Variants in ESRRG observed in about 807,000 individuals in gnomAD.
ESRRG encodes estrogen related receptor gamma.
A neutral mutation model predicts 44.0 loss-of-function variants in ESRRG; 13 were observed. The observed-to-expected ratio is 0.30, with a 90% CI of 0.19 to 0.47. The LOEUF (loss-of-function observed/expected upper bound fraction) is 0.47, where lower values mean the gene tolerates loss of function less well. Among genes scored for constraint, ESRRG ranks in the 20% least tolerant of loss-of-function variants. The pLI, the probability that ESRRG is intolerant of heterozygous loss-of-function variation, is 1.00. For synonymous variants in ESRRG, 215 were observed against 214.6 expected (o/e 1.00, Z -0.02); for missense variants, 395 against 580.6 (o/e 0.68, Z 3.29).
rs1042532405 is a variant in ESRRG, at chr1:216,863,423, A to G, written c.-14+76159T>C. On this transcript the variant is annotated intron_variant, in intron 2 of 7. Transcript: ENST00000359162. ...AATTTCTTTCCTTCAAAATTTTTCT[A>G]TGTTCCTACTGAAAATTCCACAGTT... 2.6e-5 allele frequency: 4 copies of G among 152,240 alleles called. No homozygotes were observed. The East Asian group carries it at 5.8e-4, about 22-fold the overall frequency. 9.4% of individuals were successfully genotyped at this position (152,240 alleles called of 1,614,324 possible).
At chr1:216,916,722 G>A (rs1053124296) in intron 2 of ESRRG, among the ~76,000 whole-genome samples, 2 of 151,584 alleles carry the variant, frequency 1.3e-5, no homozygotes, top group Non-Finnish European at 2.9e-5. Flanking sequence ...CAAATACCAC[G>A]GGATCCCATT....
chr1:216,844,762 CAT>C (rs1491128669), intron 2 of ESRRG, among the ~76,000 whole-genome samples: 1 of 124,796 alleles, frequency 8.0e-6, no homozygotes, highest in African/African-American at 3.6e-5. Context: ...AGCATTCGTG[CAT>C]GTGTGTGTGT....
intron 2 of ESRRG, among the ~76,000 whole-genome samples, chr1:216,752,167 T>C (rs1044209442): frequency 6.6e-5 from 10 of 152,112 alleles, no homozygotes; most frequent in African/African-American, 2.2e-4. Flanking sequence ...GAAACTGAGA[T>C]GTAAAAGAGT....
At chr1:217,096,190 A>C (rs2092420634) in intron 1 of ESRRG, among the ~76,000 whole-genome samples, 1 of 152,174 alleles carries the variant, frequency 6.6e-6, no homozygotes, top group Non-Finnish European at 1.5e-5. Flanking sequence ...TTTATTTTAC[A>C]TTGTGGGTTT....
chr1:216,657,051 T>C (rs898124059), intron 2 of ESRRG, among the ~76,000 whole-genome samples: 1 of 152,192 alleles, frequency 6.6e-6, no homozygotes, highest in Non-Finnish European at 1.5e-5. Flanking sequence ...AAGAAAACTC[T>C]GTCTTTATTG....
chr1:216,528,259 G>A (rs1354892680), intron 5 of ESRRG, among the ~76,000 whole-genome samples: 1 of 152,148 alleles, frequency 6.6e-6, no homozygotes, highest in Non-Finnish European at 1.5e-5. Flanking sequence ...TGCCTATAAA[G>A]TATATAGGAT....
chr1:216,846,475 G>A (rs536635286), intron 2 of ESRRG, among the ~76,000 whole-genome samples: 1 of 152,184 alleles, frequency 6.6e-6, no homozygotes, highest in South Asian at 2.1e-4. Flanking sequence ...CATTTCTGCT[G>A]TAGTTAGATA....
intron 1 of ESRRG, among the ~76,000 whole-genome samples, chr1:217,055,907 C>G (rs999065387): frequency 1.3e-5 from 2 of 152,166 alleles, no homozygotes; most frequent in African/African-American, 4.8e-5. Context: ...TTCATTCTTT[C>G]CTTGTCCCTT....
At chr1:217,008,220 C>G (rs1481784015) in intron 1 of ESRRG, among the ~76,000 whole-genome samples, 2 of 152,206 alleles carry the variant, frequency 1.3e-5, no homozygotes, top group Non-Finnish European at 2.9e-5. Context: ...TTATTCTCCC[C>G]ATTTTACAGA....
At position 216,522,715 on chromosome 1, in the gene ESRRG, T is replaced by A. The variant is rs538738269; in HGVS notation, c.863-3294A>T. Among the ~76,000 whole-genome samples the A allele has an allele frequency of 7.6e-3, 1,038 of 137,104 alleles. 5 individuals are homozygous for A. The highest frequency in any genetic ancestry group is 0.01 in the Non-Finnish European group (623 of 60,828). 89.9% of individuals were successfully genotyped at this position (137,104 alleles called of 152,430 possible). On this transcript the variant is annotated intron_variant, in intron 5 of 6. Transcript: ENST00000408911. Reference sequence around the variant, plus strand: ...TTGCACATACATAAAAACGCATGGATAAAATAACATTTTTATCAATAGACC... The same window carrying A: ...TTGCACATACATAAAAACGCATGGAAAAAATAACATTTTTATCAATAGACC...
intron 4 of ESRRG, among the ~76,000 whole-genome samples, chr1:216,564,662 G>C (rs1263111766): frequency 6.6e-6 from 1 of 151,894 alleles, no homozygotes. Flanking sequence ...AATTTTTATA[G>C]CAAACAGATA....
intron 2 of ESRRG, among the ~76,000 whole-genome samples, chr1:216,763,562 A>AAT (rs2092914438): frequency 6.6e-6 from 1 of 152,142 alleles, no homozygotes; most frequent in African/African-American, 2.4e-5. Flanking sequence ...TCACAATATT[A>AAT]ATATACGCTT....
chr1:217,026,433 A>C (rs2081186365), intron 1 of ESRRG, among the ~76,000 whole-genome samples: 1 of 152,230 alleles, frequency 6.6e-6, no homozygotes, highest in African/African-American at 2.4e-5. Context: ...ACTAAAGAAT[A>C]GGTAAAATGT....
At chr1:216,611,298 T>C (rs2060633685) in intron 3 of ESRRG, among the ~76,000 whole-genome samples, 1 of 151,514 alleles carries the variant, frequency 6.6e-6, no homozygotes, top group Non-Finnish European at 1.5e-5. Context: ...GTTCTCTCCA[T>C]TTGTCTGTTT....
chr1:216,507,040 G>C lies in ESRRG; in HGVS notation c.1276C>G (p.Gln426Glu). 6.2e-7 allele frequency: 1 copy of C among 1,614,150 alleles called. No individual in the cohort carries two copies. The highest frequency in any genetic ancestry group is 8.5e-7 in the Non-Finnish European group (1 of 1,180,012). Residue 426 changes from glutamine (Q) to glutamate (E), a missense_variant, in exon 7 of 7, where the codon CAG becomes GAG. Transcript: ENST00000408911. ...TGCTGCACGGCCTTGGTAGAGGTCT[G>C]CCTCAGGAGTGGCAGTGTCATCAGC... ...KMLMTLPLLRQTSTKAVQHFY... is the reference protein window; with the variant it reads ...KMLMTLPLLRETSTKAVQHFY...
At chr1:216,728,879 T>A (rs1366031611) in intron 2 of ESRRG, among the ~76,000 whole-genome samples, 1 of 152,130 alleles carries the variant, frequency 6.6e-6, no homozygotes, top group Non-Finnish European at 1.5e-5. Context: ...GTTTGAACTC[T>A]CTGACACACT....
At chr1:217,055,447 C>T (rs75691422) in intron 1 of ESRRG, among the ~76,000 whole-genome samples, 92 of 152,276 alleles carry the variant, frequency 6.0e-4, no homozygotes, top group African/African-American at 2.0e-3. Context: ...AGTCCAGTGG[C>T]AGGTTGGGCA....
At chr1:216,668,386 A>G (rs1036811245) in intron 2 of ESRRG, among the ~76,000 whole-genome samples, 2 of 152,208 alleles carry the variant, frequency 1.3e-5, no homozygotes, top group Admixed American at 1.3e-4. Flanking sequence ...AATATACCCT[A>G]CAAATCAAAG....
At chr1:217,101,488 T>C (rs937524454) in intron 1 of ESRRG, among the ~76,000 whole-genome samples, 10 of 152,240 alleles carry the variant, frequency 6.6e-5, no homozygotes, top group Non-Finnish European at 1.3e-4. Context: ...AGTACATAGA[T>C]GCCCATCAGC....
Sources: gnomAD v4.1 joint callset for allele counts (sites outside exome capture counted in the v4.1 genomes callset) on GRCh38, gnomAD v4.1.1 for gene constraint, MANE v1.5 for transcripts, NCBI Gene and HGNC (gene_info 2026-07-23, HGNC 2026-07-21) for gene names.